MICAL3: variants seen among roughly 807,000 people sequenced by gnomAD.
MICAL3 encodes the protein microtubule associated monooxygenase, calponin and LIM domain containing 3, also known as [F-actin]-monooxygenase MICAL3.
Under a neutral mutation model 207.4 loss-of-function variants are expected in MICAL3, and 62 were observed. The observed-to-expected ratio is 0.30, with a 90% CI of 0.24 to 0.37. MICAL3 has a LOEUF of 0.37. Ranked by LOEUF, MICAL3 falls within the 10% of genes least tolerant of loss-of-function variation. The pLI is 1.00. For synonymous variants in MICAL3, 1,077 were observed against 1,069.3 expected, an observed-to-expected ratio of 1.01 and a Z score of -0.14; for missense variants, 2,368 against 2,635.6, an observed-to-expected ratio of 0.90 and a Z score of 2.22.
chr22:17,855,768 A>C (rs959302660), intron 19 of MICAL3, among the ~76,000 whole-genome samples: 4 of 152,142 alleles, frequency 2.6e-5, no homozygotes, highest in Admixed American at 2.6e-4. Flanking sequence ...CACATTCCCA[A>C]CTCTGGGATG....
intron 3 of MICAL3, among the ~76,000 whole-genome samples, chr22:17,903,303 G>A (rs983963277): frequency 6.6e-6 from 1 of 152,170 alleles, no homozygotes; most frequent in African/African-American, 2.4e-5. Flanking sequence ...TGGAAACTGA[G>A]GCCAGAATGA....
chr22:17,895,378 G>A lies in MICAL3; in HGVS notation c.1355C>T (p.Thr452Ile). The change falls in exon 10 of 32, where the codon ACC becomes ATC. Residue 452 changes from threonine (T) to isoleucine (I), a missense_variant. By Grantham distance (89) the Thr-to-Ile change is moderately conservative (BLOSUM62 -1). Coordinates refer to ENST00000441493, the MANE Select transcript of MICAL3 (RefSeq NM_015241.3). ...GAAGTTCTTACTCACATTCTCAGGGGTGGTCTGAGGCAGCAACCTGTAAAT... is the reference window on the plus strand; with the variant it reads ...GAAGTTCTTACTCACATTCTCAGGGATGGTCTGAGGCAGCAACCTGTAAAT... Reference protein sequence around the residue: ...ESIYRLLPQTTPENVSKNFSQ... With the variant: ...ESIYRLLPQTIPENVSKNFSQ... The A allele has an allele frequency of 2.5e-6, 4 of 1,613,698 alleles. No individual in the cohort carries two copies. Among genetic ancestry groups the A allele is most frequent in the Non-Finnish European group, 3.4e-6 (4 of 1,179,736 alleles).
chr22:17,939,224 C>A (rs1489223528), intron 1 of MICAL3, among the ~76,000 whole-genome samples: 1 of 152,204 alleles, frequency 6.6e-6, no homozygotes, highest in African/African-American at 2.4e-5. Context: ...TGACACCGCC[C>A]CTCAACCTTG....
At chr22:17,834,179 T>G (rs1052807543) in intron 20 of MICAL3, 2 of 947,766 alleles carry the variant, frequency 2.1e-6, no homozygotes. Flanking sequence ...TGGCTGGCTG[T>G]GTGACTGTGA....
In MICAL3 at chr22:17,865,482, G is replaced by A. The variant is rs548176710; in HGVS notation, c.2517+442C>T. 3.9e-5 allele frequency among the ~76,000 whole-genome samples: 6 copies of A among 152,362 alleles called. No homozygotes were observed. The South Asian group carries it at 1.2e-3, about 32-fold the overall frequency. Reference sequence around the variant, plus strand: ...CACAGAACTAGTGAAAGGCCCCGCAGGCAGGGCGCCCTTTGGGTGTGGGGA... The same window carrying A: ...CACAGAACTAGTGAAAGGCCCCGCAAGCAGGGCGCCCTTTGGGTGTGGGGA... On this transcript the variant is annotated intron_variant, in intron 18 of 31. Coordinates refer to ENST00000441493, the MANE Select transcript of MICAL3 (RefSeq NM_015241.3).
rs751503336 is a variant in MICAL3 at position 17,895,330 on chromosome 22, A to C, written c.1403T>G (p.Val468Gly). Residue 468 changes from valine (V) to glycine (G), a missense_variant, in exon 10 of 32, where the codon GTC (valine) becomes GGC (glycine). By Grantham distance (109) the Val-to-Gly change is moderately radical (BLOSUM62 -3). Coordinates refer to ENST00000441493, the MANE Select transcript of MICAL3 (RefSeq NM_015241.3). ...GACGTTGATATTGGGATACCGAGTG[A>C]CAGGGTCGATACTGTACTGGCTGAA... Reference protein sequence around the residue: ...KNFSQYSIDPVTRYPNINVNF... With the variant: ...KNFSQYSIDPGTRYPNINVNF... The C allele has an allele frequency of 8.1e-6, 13 of 1,613,868 alleles. No homozygotes were observed. Among genetic ancestry groups the C allele is most frequent in the Non-Finnish European group, 5.9e-6 (7 of 1,179,846 alleles).
chr22:17,989,276 C>T (rs1251607766), intron 1 of MICAL3, among the ~76,000 whole-genome samples: 1 of 152,250 alleles, frequency 6.6e-6, no homozygotes, highest in East Asian at 1.9e-4. Flanking sequence ...CTTACCTTGC[C>T]CTTGCAGTCA....
intron 1 of MICAL3, among the ~76,000 whole-genome samples, chr22:18,001,728 C>T (rs542542900): frequency 6.6e-6 from 1 of 152,382 alleles, no homozygotes; most frequent in African/African-American, 2.4e-5. Context: ...GCCCTTCGTC[C>T]TCTCCGTCCC....
intron 25 of MICAL3, among the ~76,000 whole-genome samples, chr22:17,820,356 T>C (rs1026857532): frequency 6.6e-6 from 1 of 152,198 alleles, no homozygotes; most frequent in Non-Finnish European, 1.5e-5. Flanking sequence ...ATGGACGCTG[T>C]AAATTTCTTT....
At chr22:17,928,080 A>C (rs1416265807) in intron 1 of MICAL3, among the ~76,000 whole-genome samples, 1 of 152,208 alleles carries the variant, frequency 6.6e-6, no homozygotes, top group Non-Finnish European at 1.5e-5. Context: ...TATGCAGCAT[A>C]GCGTGGTGGA....
chr22:17,818,103 T>C lies in MICAL3; in HGVS notation c.4558A>G (p.Ile1520Val). 6.2e-7 allele frequency: 1 copy of C among 1,612,446 alleles called. No homozygotes were observed. The highest frequency in any genetic ancestry group is 1.1e-5 in the South Asian group (1 of 90,928). ...TCCTCCACATCATCAGCAAAGGGAA[T>C]CTCCTCCACGCTCTCCACAAACGAC... is the stretch of plus-strand genomic sequence containing the variant. ...RKSFVESVEE[I>V]PFADDVEDTY... is the part of the protein sequence containing the mutation. Residue 1520 changes from isoleucine (I) to valine (V), a missense_variant, in exon 26 of 32, where the codon ATT becomes GTT. Transcript: ENST00000441493.
intron 21 of MICAL3, among the ~76,000 whole-genome samples, chr22:17,828,452 C>A (rs1922445713): frequency 6.6e-6 from 1 of 152,210 alleles, no homozygotes; most frequent in South Asian, 2.1e-4. Context: ...CATGCTGGGT[C>A]TGAGGCAAGG....
intron 1 of MICAL3, among the ~76,000 whole-genome samples, chr22:17,994,603 C>T (rs1350680943): frequency 2.0e-5 from 3 of 152,044 alleles, no homozygotes; most frequent in Admixed American, 6.6e-5. Context: ...GTCCCAGCTA[C>T]TCAGGAGGCT....
intron 1 of MICAL3, among the ~76,000 whole-genome samples, chr22:17,996,801 C>T (rs866368879): frequency 6.0e-5 from 9 of 150,362 alleles, no homozygotes; most frequent in East Asian, 5.8e-4. Flanking sequence ...TGAAGTACAC[C>T]GGAAGCTAAA....
Position 17,817,911 on chromosome 22 carries a change from A to G in MICAL3, c.4750T>C (p.Leu1584=). 1.2e-6 allele frequency: 2 copies of G among 1,612,416 alleles called. No homozygotes were observed. The highest frequency in any genetic ancestry group is 1.7e-6 in the Non-Finnish European group (2 of 1,179,766). The change falls in exon 26 of 32, where the codon TTG becomes CTG. Residue 1584 remains leucine, a synonymous_variant. Coordinates refer to ENST00000441493, the MANE Select transcript of MICAL3 (RefSeq NM_015241.3). The stretch of plus-strand genomic sequence containing the variant: ...AACTCCTTGGCTTCCGCGGACACCA[A>G]GGGCAGCCCCCTCTTCTGTGGCTGC... ...TLQPQKRGLP[L]VSAEAKELAE...
intron 1 of MICAL3, among the ~76,000 whole-genome samples, chr22:18,022,909 A>G (rs1428960449): frequency 6.6e-6 from 1 of 152,190 alleles, no homozygotes; most frequent in Non-Finnish European, 1.5e-5. Flanking sequence ...CCTGGAATAT[A>G]GATCAGAACA....
intron 8 of MICAL3, 32 bp downstream of exon 8, chr22:17,896,690 CCT>C (rs1930871540): frequency 1.2e-6 from 2 of 1,603,460 alleles, no homozygotes; most frequent in South Asian, 2.2e-5. Context: ...TATTCCTGCC[CCT>C]ACCACAGAGT....
intron 19 of MICAL3, among the ~76,000 whole-genome samples, chr22:17,851,352 A>C (rs1848229862): frequency 6.6e-6 from 1 of 151,932 alleles, no homozygotes; most frequent in Non-Finnish European, 1.5e-5. Flanking sequence ...TCCACTTGAC[A>C]CCCTTGAAGG....
At chr22:17,950,331 G>GTTT (rs1363364325) in intron 1 of MICAL3, among the ~76,000 whole-genome samples, 19 of 97,506 alleles carry the variant, frequency 1.9e-4, no homozygotes, top group African/African-American at 7.1e-4. Flanking sequence ...CTGGCGTTTT[G>GTTT]TTTTTGTTTT....
Sources: gnomAD v4.1 joint callset for allele counts (sites outside exome capture counted in the v4.1 genomes callset) on GRCh38, gnomAD v4.1.1 for gene constraint, MANE v1.5 for transcripts, NCBI Gene and HGNC (gene_info 2026-07-23, HGNC 2026-07-21) for gene names.